Variants in MYO16 observed in about 807,000 individuals in gnomAD.
MYO16 encodes myosin XVI.
MYO16 carries 94 observed loss-of-function variants against 205.3 expected under a neutral mutation model. The ratio of observed to expected loss-of-function variants is 0.46; its 90% confidence interval spans 0.39 to 0.54. MYO16 has a LOEUF of 0.54. Among genes scored for constraint, MYO16 ranks in the 20% least tolerant of loss-of-function variants. The probability of loss-of-function intolerance (pLI) is 0.00; values close to 1 mark genes in which losing one functional copy is unlikely to be tolerated. For missense variants in MYO16, 2,315 were observed against 2,387.5 expected, an observed-to-expected ratio of 0.97 and a Z score of 0.63; for synonymous variants, 988 against 954.0, an observed-to-expected ratio of 1.04 and a Z score of -0.66.
At chr13:108,671,703 C>G (rs1881994818) in intron 2 of MYO16, among the ~76,000 whole-genome samples, 1 of 152,204 alleles carries the variant, frequency 6.6e-6, no homozygotes, top group African/African-American at 2.4e-5. Flanking sequence ...ACGGCTTACA[C>G]AGCAGACATT....
At chr13:108,646,671 T>C (rs1880770137) in intron 1 of MYO16, among the ~76,000 whole-genome samples, 1 of 152,186 alleles carries the variant, frequency 6.6e-6, no homozygotes, top group Non-Finnish European at 1.5e-5. Flanking sequence ...GTCCTCTCCT[T>C]TAGATATAGG....
intron 6 of MYO16, among the ~76,000 whole-genome samples, chr13:108,801,506 T>C (rs1209780971): frequency 6.6e-6 from 1 of 152,184 alleles, no homozygotes; most frequent in African/African-American, 2.4e-5. Flanking sequence ...TTAAAATCAA[T>C]ATCAAAAATG....
the MYO16 span, among the ~76,000 whole-genome samples, chr13:108,542,430 C>G: frequency 6.6e-6 from 1 of 152,038 alleles, no homozygotes; most frequent in Admixed American, 6.5e-5. Context: ...CACAAGTTTA[C>G]CTTTGTAACA....
At chr13:108,560,649 C>G in the MYO16 span, among the ~76,000 whole-genome samples, 1 of 152,020 alleles carries the variant, frequency 6.6e-6, no homozygotes, top group East Asian at 1.9e-4. Flanking sequence ...AGTTATGTGT[C>G]TTTGAAGTTA....
intron 12 of MYO16, among the ~76,000 whole-genome samples, chr13:108,875,675 A>G (rs567578118): frequency 6.6e-6 from 1 of 152,326 alleles, no homozygotes; most frequent in Non-Finnish European, 1.5e-5. Flanking sequence ...AAGCCCAAAT[A>G]GATTTAAATA....
intron 16 of MYO16, among the ~76,000 whole-genome samples, chr13:108,950,973 T>C (rs1883124846): frequency 6.6e-6 from 1 of 152,216 alleles, no homozygotes; most frequent in Non-Finnish European, 1.5e-5. Flanking sequence ...GAAAAATTTG[T>C]ATTGAGAACT....
At chr13:108,695,456 G>T (rs1883056868) in intron 2 of MYO16, among the ~76,000 whole-genome samples, 1 of 152,036 alleles carries the variant, frequency 6.6e-6, no homozygotes, top group African/African-American at 2.4e-5. Flanking sequence ...ATCATGACAA[G>T]TAAGTCCTTA....
chr13:108,781,687 C>A (rs1185965439), intron 4 of MYO16, among the ~76,000 whole-genome samples: 1 of 149,110 alleles, frequency 6.7e-6, no homozygotes, highest in Non-Finnish European at 1.5e-5. Flanking sequence ...TGTCCCCACC[C>A]AAATCTCAAT....
chr13:109,037,754 TGAG>T (rs1222618353), intron 23 of MYO16, among the ~76,000 whole-genome samples: 3 of 151,958 alleles, frequency 2.0e-5, no homozygotes, highest in Admixed American at 6.6e-5. Flanking sequence ...GTGTTGTAGA[TGAG>T]AAGCCTTGGA....
chr13:108,673,573 G>A (rs1321143406), intron 2 of MYO16, among the ~76,000 whole-genome samples: 1 of 151,830 alleles, frequency 6.6e-6, no homozygotes, highest in East Asian at 1.9e-4. Flanking sequence ...GTAACACTGG[G>A]ATACCTCTGT....
At chr13:108,954,974 C>T (rs1184666798) in intron 16 of MYO16, among the ~76,000 whole-genome samples, 1 of 152,220 alleles carries the variant, frequency 6.6e-6, no homozygotes, top group African/African-American at 2.4e-5. Flanking sequence ...CGGCATCCTG[C>T]GGCATCAGCT....
intron 15 of MYO16, among the ~76,000 whole-genome samples, chr13:108,902,078 G>T (rs1170859041): frequency 6.6e-6 from 1 of 152,208 alleles, no homozygotes; most frequent in East Asian, 1.9e-4. Context: ...GGACAAATTT[G>T]TTCAAGTATC....
intron 3 of MYO16, among the ~76,000 whole-genome samples, chr13:108,719,064 G>T (rs1010166739): frequency 6.6e-6 from 1 of 152,096 alleles, no homozygotes; most frequent in African/African-American, 2.4e-5. Flanking sequence ...CCCCAGTGAA[G>T]ATAGCAACTA....
intron 16 of MYO16, among the ~76,000 whole-genome samples, chr13:108,915,573 G>T (rs1409592945): frequency 6.6e-6 from 1 of 152,084 alleles, no homozygotes; most frequent in Non-Finnish European, 1.5e-5. Flanking sequence ...TACATTTGGG[G>T]AACGAATGTA....
intron 1 of MYO16, among the ~76,000 whole-genome samples, chr13:108,618,615 C>T (rs976494291): frequency 2.0e-5 from 3 of 152,184 alleles, no homozygotes; most frequent in African/African-American, 7.2e-5. Flanking sequence ...GGCTGATTTG[C>T]TGTGCTGGGA....
chr13:109,049,972 G>GTGTGTGTGTGTGTA (rs796802250), intron 24 of MYO16, among the ~76,000 whole-genome samples: 4 of 131,290 alleles, frequency 3.0e-5, no homozygotes, highest in East Asian at 2.6e-4. Context: ...GTGTGTGTGT[G>GTGTGTGTGTGTGTA]TGTGTTTACT....
intron 9 of MYO16, among the ~76,000 whole-genome samples, chr13:108,830,458 T>C (rs370339770): frequency 0.013 from 2,002 of 151,476 alleles, 41 homozygotes; most frequent in African/African-American, 0.044. Context: ...ATGTCCTTTG[T>C]AGGGACATGG....
intron 31 of MYO16, among the ~76,000 whole-genome samples, chr13:109,131,534 T>A (rs374508580): frequency 2.0e-5 from 3 of 152,214 alleles, no homozygotes; most frequent in African/African-American, 7.2e-5. Flanking sequence ...AACTTTTTTT[T>A]TTATTATACT....
At chr13:108,936,065 A>G (rs1051081579) in intron 16 of MYO16, among the ~76,000 whole-genome samples, 2 of 151,580 alleles carry the variant, frequency 1.3e-5, no homozygotes, top group South Asian at 4.2e-4. Flanking sequence ...GTCTATGTTC[A>G]TCAGGGATAT....
Sources: allele counts gnomAD v4.1 joint callset (sites outside exome capture counted in the v4.1 genomes callset), GRCh38; gene constraint gnomAD v4.1.1; transcripts MANE v1.5; gene names NCBI Gene and HGNC (gene_info 2026-07-23, HGNC 2026-07-21).